Variants in RASA2 observed in about 807,000 individuals in gnomAD.
The protein encoded by RASA2 is ras GTPase-activating protein 2.
In RASA2, 155 loss-of-function variants were observed where a neutral mutation model predicts 118.2. The observed-to-expected ratio is 1.31, with a 90% CI of 1.15 to 1.50. The LOEUF is 1.50. Among genes scored for constraint, RASA2 ranks in the 40% most tolerant of loss-of-function variants. The pLI, the probability that RASA2 is intolerant of heterozygous loss-of-function variation, is 0.00. For missense variants in RASA2, 1,016 were observed against 1,009.6 expected (o/e 1.01, Z -0.09); for synonymous variants, 353 against 349.1 (o/e 1.01, Z -0.12).
intron 4 of RASA2, among the ~76,000 whole-genome samples, chr3:141,532,435 G>A (rs1022055270): frequency 6.6e-6 from 1 of 152,096 alleles, no homozygotes; most frequent in African/African-American, 2.4e-5. Context: ...GAGTTTCTTG[G>A]AATGTCATCA....
intron 22 of RASA2, 100 bp from the exon 23 acceptor site, chr3:141,609,777 C>T: frequency 8.9e-7 from 1 of 1,129,382 alleles, no homozygotes; most frequent in Non-Finnish European, 1.2e-6. Context: ...AAGGGAAATC[C>T]CCTCAGCATA....
intron 3 of RASA2, among the ~76,000 whole-genome samples, chr3:141,523,132 ATT>A (rs200172484): frequency 2.8e-5 from 4 of 141,250 alleles, no homozygotes; most frequent in East Asian, 2.0e-4. Flanking sequence ...AGATAATCCC[ATT>A]TTTTTTTTTT....
chr3:141,606,334 T>A (rs1364567929), intron 19 of RASA2, among the ~76,000 whole-genome samples: 1 of 152,260 alleles, frequency 6.6e-6, no homozygotes, highest in Non-Finnish European at 1.5e-5. Context: ...CATGCATTTA[T>A]GATTTATATT....
chr3:141,552,537 A>G (rs114512562), intron 5 of RASA2, among the ~76,000 whole-genome samples: 159 of 152,306 alleles, frequency 1.0e-3, no homozygotes, highest in African/African-American at 3.5e-3. Context: ...GTGAAAGTGC[A>G]TAGTAAACTG....
chr3:141,499,832 G>T (rs1478814610), intron 1 of RASA2, among the ~76,000 whole-genome samples: 8 of 152,020 alleles, frequency 5.3e-5, no homozygotes, highest in Admixed American at 5.2e-4. Flanking sequence ...CTCCTGACCC[G>T]CCCACCTCGG....
chr3:141,599,036 C>T (rs1426010181), intron 19 of RASA2, among the ~76,000 whole-genome samples: 1 of 151,944 alleles, frequency 6.6e-6, no homozygotes, highest in Non-Finnish European at 1.5e-5. Context: ...TGCAGTGAGC[C>T]GAGATCGCGC....
chr3:141,517,406 A>G (rs1432120622), intron 3 of RASA2, among the ~76,000 whole-genome samples: 1 of 152,164 alleles, frequency 6.6e-6, no homozygotes, highest in Non-Finnish European at 1.5e-5. Flanking sequence ...AACCTACATG[A>G]GTGAAAGGCA....
chr3:141,537,849 C>G (rs1458800004), intron 4 of RASA2, among the ~76,000 whole-genome samples: 1 of 152,024 alleles, frequency 6.6e-6, no homozygotes. Flanking sequence ...CTCATTTTTT[C>G]TCTTGGTTTT....
intron 1 of RASA2, among the ~76,000 whole-genome samples, chr3:141,501,250 A>G (rs1158419647): frequency 2.0e-5 from 3 of 152,152 alleles, no homozygotes; most frequent in African/African-American, 7.2e-5. Context: ...TATAATAGAA[A>G]TCCATTGATT....
At chr3:141,518,321 A>G (rs2082059012) in intron 3 of RASA2, among the ~76,000 whole-genome samples, 1 of 151,182 alleles carries the variant, frequency 6.6e-6, no homozygotes, top group Admixed American at 6.6e-5. Flanking sequence ...TGTCTCTACT[A>G]AAAATACAAA....
chr3:141,504,800 C>T (rs958307430), intron 1 of RASA2, among the ~76,000 whole-genome samples: 2 of 152,158 alleles, frequency 1.3e-5, no homozygotes, highest in Non-Finnish European at 2.9e-5. Flanking sequence ...CTGTCTCCTC[C>T]CATACCCTTA....
At chr3:141,590,196 A>G in intron 19 of RASA2, 1 of 455,624 alleles carries the variant, frequency 2.2e-6, no homozygotes, top group East Asian at 6.9e-5. Context: ...ATTAATTGTT[A>G]TATGGATTCT....
chr3:141,493,912 A>G (rs2081667699), intron 1 of RASA2, among the ~76,000 whole-genome samples: 1 of 152,250 alleles, frequency 6.6e-6, no homozygotes. Context: ...CATACAAATT[A>G]TAGCAAAATA....
intron 1 of RASA2, among the ~76,000 whole-genome samples, chr3:141,494,138 T>C (rs2081670532): frequency 6.6e-6 from 1 of 152,252 alleles, no homozygotes; most frequent in South Asian, 2.1e-4. Context: ...ATGAATAACC[T>C]TGTAAGCATG....
Position 141,571,415 on chromosome 3 carries a change from G to T in RASA2, c.1030G>T (p.Ala344Ser). The stretch of plus-strand genomic sequence containing the variant: ...ACCTTTCTGTATTTAGCCAATATCT[G>T]CCTCAGCTGCTTACATTTTGAGTGA... ...LKSPDVQPIS[A>S]SAAYILSEIC... The change falls in exon 11 of 24, where the codon GCC becomes TCC. Residue 344 changes from alanine to serine, a missense_variant. Physicochemically the swap from Ala to Ser is moderately conservative, Grantham distance 99 (BLOSUM62 1). Around this residue, in one of 2 missense-constraint regions of RASA2, gnomAD observed 896 missense variants for 836.4 expected, o/e 1.07. Transcript: ENST00000286364. 1 of 1,612,598 alleles carries T rather than the reference G, an allele frequency of 6.2e-7. No individual in the cohort carries two copies. The highest frequency in any genetic ancestry group is 8.5e-7 in the Non-Finnish European group (1 of 1,179,556).
rs1396887144 is a variant in RASA2, at chr3:141,553,889, A to G, written c.560A>G (p.Asn187Ser). 3 of 1,612,086 alleles carry G rather than the reference A, an allele frequency of 1.9e-6. No homozygotes were observed. The highest frequency in any genetic ancestry group is 2.5e-6 in the Non-Finnish European group (3 of 1,178,882). ...GCATGCCATGGGTTGCCTCTCATAAATGGCCAAAGCTGTGACCCTTATGCA... is the reference window on the plus strand; with the variant it reads ...GCATGCCATGGGTTGCCTCTCATAAGTGGCCAAAGCTGTGACCCTTATGCA... ...IKACHGLPLINGQSCDPYATV... is the reference protein window; with the variant it reads ...IKACHGLPLISGQSCDPYATV... The change falls in exon 6 of 24, where the codon AAT becomes AGT. Residue 187 changes from asparagine (N) to serine (S), a missense_variant. By Grantham distance (46) the Asn-to-Ser change is conservative (BLOSUM62 1). Coordinates refer to ENST00000286364, the MANE Select transcript of RASA2 (RefSeq NM_006506.5).
chr3:141,516,545 T>G, intron 3 of RASA2, 114 bp downstream of exon 3: 1 of 808,588 alleles, frequency 1.2e-6, no homozygotes. Flanking sequence ...CTCTGATCTT[T>G]TTCTGTAGAC....
chr3:141,582,500 G>A (rs922211733), intron 17 of RASA2, among the ~76,000 whole-genome samples: 2 of 152,188 alleles, frequency 1.3e-5, no homozygotes, highest in South Asian at 4.1e-4. Flanking sequence ...GGCTACGGTA[G>A]CATCTGATCT....
In RASA2 at chr3:141,512,151, T is replaced by G. The variant is rs1334282251; in HGVS notation, c.134-12T>G. On this transcript the variant is annotated splice_polypyrimidine_tract_variant and intron_variant, in intron 1 of 23. Coordinates refer to ENST00000286364, the MANE Select transcript of RASA2 (RefSeq NM_006506.5). ...TGATATTTAATAACAATTTTAAATTTTATGCCAACAGGTGAAGCAAAAAAT... is the reference window on the plus strand; with the variant it reads ...TGATATTTAATAACAATTTTAAATTGTATGCCAACAGGTGAAGCAAAAAAT... 1.3e-6 allele frequency: 2 copies of G among 1,567,540 alleles called. No individual in the cohort carries two copies. The highest frequency in any genetic ancestry group is 1.8e-6 in the Non-Finnish European group (2 of 1,140,684).
Sources: gnomAD v4.1 joint callset for allele counts (sites outside exome capture counted in the v4.1 genomes callset) on GRCh38, gnomAD v4.1.1 for gene constraint, gnomAD v4.1.1 regional missense constraint, MANE v1.5 for transcripts, NCBI Gene and HGNC (gene_info 2026-07-23, HGNC 2026-07-21) for gene names.